Variants in TMPRSS15 observed in about 807,000 individuals in gnomAD.
TMPRSS15 encodes the protein transmembrane serine protease 15.
Under a neutral mutation model 125.3 loss-of-function variants are expected in TMPRSS15, and 128 were observed. That is an observed-to-expected ratio of 1.02 (90% CI 0.89 to 1.18). The LOEUF (loss-of-function observed/expected upper bound fraction) is 1.18. Ranked by LOEUF, TMPRSS15 falls within the 50% of genes most tolerant of loss-of-function variation. The probability of loss-of-function intolerance (pLI) is 0.00; values close to 1 mark genes in which losing one functional copy is unlikely to be tolerated. For synonymous variants in TMPRSS15, 446 were observed against 423.2 expected (o/e 1.05, Z -0.66); for missense variants, 1,283 against 1,212.7 (o/e 1.06, Z -0.86).
At chr21:18,281,831 CTCACG>C (rs2074701989) in intron 21 of TMPRSS15, among the ~76,000 whole-genome samples, 1 of 152,094 alleles carries the variant, frequency 6.6e-6, no homozygotes, top group East Asian at 1.9e-4. Flanking sequence ...GGCGCGGTGG[CTCACG>C]CCTGTAATCC....
chr21:18,290,320 C>G (rs1393660323), intron 21 of TMPRSS15, among the ~76,000 whole-genome samples: 3 of 129,508 alleles, frequency 2.3e-5, no homozygotes, highest in African/African-American at 8.8e-5. Context: ...TCATGTTTAC[C>G]AAAATACAGA....
chr21:18,296,264 A>G (rs775860577), intron 19 of TMPRSS15, among the ~76,000 whole-genome samples: 6 of 152,346 alleles, frequency 3.9e-5, no homozygotes, highest in Middle Eastern at 3.4e-3. Flanking sequence ...TACAACCACT[A>G]GCGCAAGGGC....
rs192816985 is a variant in TMPRSS15 at position 18,398,657 on chromosome 21, C to G, written c.146-328G>C. On this transcript the variant is annotated intron_variant, in intron 1 of 24. Coordinates refer to ENST00000284885, the MANE Select transcript of TMPRSS15 (RefSeq NM_002772.3). ...GTTGGAAGATACACGGACTGATGAACTCCCACCAATCATGGGAAGTGACTC... is the reference window on the plus strand; with the variant it reads ...GTTGGAAGATACACGGACTGATGAAGTCCCACCAATCATGGGAAGTGACTC... 3.3e-5 allele frequency among the ~76,000 whole-genome samples: 5 copies of G among 152,246 alleles called. No homozygotes were observed. The East Asian group carries it at 7.7e-4, about 23-fold the overall frequency.
intron 1 of TMPRSS15, among the ~76,000 whole-genome samples, chr21:18,402,939 C>T (rs1255751557): frequency 1.3e-5 from 2 of 152,112 alleles, no homozygotes; most frequent in Non-Finnish European, 2.9e-5. Flanking sequence ...TTCTGTTTAT[C>T]GGAGTTGCTA....
At chr21:18,432,988 C>T (rs2076219446) in intron 1 of TMPRSS15, among the ~76,000 whole-genome samples, 2 of 151,982 alleles carry the variant, frequency 1.3e-5, no homozygotes, top group African/African-American at 4.8e-5. Flanking sequence ...TCCCGTGTAC[C>T]TTTCTCGGAA....
intron 18 of TMPRSS15, among the ~76,000 whole-genome samples, chr21:18,305,315 A>T (rs1445112676): frequency 6.7e-6 from 1 of 148,500 alleles, no homozygotes; most frequent in Non-Finnish European, 1.5e-5. Context: ...CAGCCTCCCG[A>T]GTAGCTGGGA....
intron 17 of TMPRSS15, among the ~76,000 whole-genome samples, chr21:18,314,711 G>C (rs1203349714): frequency 1.3e-5 from 2 of 152,136 alleles, no homozygotes; most frequent in African/African-American, 2.4e-5. Context: ...TAATGTTATT[G>C]AGGTGTGGAA....
In TMPRSS15 at chr21:18,365,308, A is replaced by G. The variant is rs995112094; in HGVS notation, c.665-60T>C. On this transcript the variant is annotated intron_variant, in intron 6 of 24. Coordinates refer to ENST00000284885, the MANE Select transcript of TMPRSS15 (RefSeq NM_002772.3). Reference sequence around the variant, plus strand: ...CAATCTTGGGATTCAAATTGGCTGCAAAACATTTCACAGAATATTCATGGC... The same window carrying G: ...CAATCTTGGGATTCAAATTGGCTGCGAAACATTTCACAGAATATTCATGGC... 10 of 1,292,660 alleles carry G rather than the reference A, an allele frequency of 7.7e-6. No homozygotes were observed. In the African/African-American group the frequency reaches 1.3e-4, roughly 17 times the overall value. 80.1% of individuals were successfully genotyped at this position (1,292,660 alleles called of 1,614,324 possible).
chr21:18,336,198 A>G lies in TMPRSS15; in HGVS notation c.1565-4025T>C, dbSNP rs142877720. On this transcript the variant is annotated intron_variant, in intron 13 of 24. Coordinates refer to ENST00000284885, the MANE Select transcript of TMPRSS15 (RefSeq NM_002772.3). ...AAAGAGAAGAGCCTAGCTTTCATCT[A>G]CAATAAGAGGGTTTTAATTAAAGAT... Among the ~76,000 whole-genome samples, 89 of 152,300 alleles carry G rather than the reference A, an allele frequency of 5.8e-4. 1 individual carries two copies. The East Asian group carries it at 0.011, about 19-fold the overall frequency.
chr21:18,396,728 C>A (rs2076040870), intron 3 of TMPRSS15, among the ~76,000 whole-genome samples: 3 of 148,588 alleles, frequency 2.0e-5, no homozygotes, highest in Non-Finnish European at 4.4e-5. Flanking sequence ...GAGCTGAGAT[C>A]ACGCCAGTGC....
intron 1 of TMPRSS15, among the ~76,000 whole-genome samples, chr21:18,452,074 C>A (rs547181708): frequency 6.6e-6 from 1 of 152,050 alleles, no homozygotes; most frequent in Non-Finnish European, 1.5e-5. Context: ...GAAATCAATG[C>A]AGGACTGAGA....
intron 1 of TMPRSS15, among the ~76,000 whole-genome samples, chr21:18,468,463 C>T (rs540864122): frequency 6.6e-6 from 1 of 152,148 alleles, no homozygotes; most frequent in South Asian, 2.1e-4. Flanking sequence ...CCTCCTTAGA[C>T]CTCTCTGGAG....
At position 18,480,407 on chromosome 21, in the gene TMPRSS15, A is replaced by G. The variant is rs574347627; in HGVS notation, c.10+5392T>C. ...TCCAGGAGATTTTAGTAGACTTTCT[A>G]TAATCTACCCAGGCCATGGTTTAGT... is the stretch of plus-strand genomic sequence containing the variant. On this transcript the variant is annotated intron_variant, in intron 1 of 7. Coordinates refer to the TMPRSS15 transcript ENST00000422787. Among the ~76,000 whole-genome samples the G allele has an allele frequency of 5.3e-5, 8 of 152,048 alleles. No homozygotes were observed. The East Asian group carries it at 1.4e-3, about 26-fold the overall frequency.
At chr21:18,345,173 C>G (rs1293112157) in intron 10 of TMPRSS15, among the ~76,000 whole-genome samples, 1 of 152,152 alleles carries the variant, frequency 6.6e-6, no homozygotes, top group Non-Finnish European at 1.5e-5. Flanking sequence ...AATATGTACA[C>G]ATTCATTTGC....
intron 24 of TMPRSS15, among the ~76,000 whole-genome samples, chr21:18,274,860 A>C (rs1269222251): frequency 6.6e-6 from 1 of 152,198 alleles, no homozygotes; most frequent in African/African-American, 2.4e-5. Flanking sequence ...GGTTTAAAAT[A>C]ATTGGAAATT....
intron 1 of TMPRSS15, among the ~76,000 whole-genome samples, chr21:18,459,353 A>C (rs1284005516): frequency 6.6e-6 from 1 of 151,738 alleles, no homozygotes; most frequent in Non-Finnish European, 1.5e-5. Context: ...GGCTCATTGC[A>C]ACCTCTGCCT....
At chr21:18,394,097 AAT>A (rs2076012797) in intron 3 of TMPRSS15, among the ~76,000 whole-genome samples, 1 of 152,126 alleles carries the variant, frequency 6.6e-6, no homozygotes, top group South Asian at 2.1e-4. Context: ...GTATCTCTTT[AAT>A]ATATGTTTTG....
intron 18 of TMPRSS15, among the ~76,000 whole-genome samples, chr21:18,310,898 C>T (rs1343732684): frequency 6.7e-6 from 1 of 149,248 alleles, no homozygotes; most frequent in Non-Finnish European, 1.5e-5. Context: ...AGATAGAGAA[C>T]CCTGAAATAA....
intron 24 of TMPRSS15, 151 bp downstream of exon 24, chr21:18,275,046 G>A: frequency 5.0e-6 from 5 of 991,694 alleles, no homozygotes; most frequent in Non-Finnish European, 7.8e-6. Flanking sequence ...GTCTACCCAA[G>A]AGGATTACGC....
Sources: allele counts gnomAD v4.1 joint callset (sites outside exome capture counted in the v4.1 genomes callset), GRCh38; gene constraint gnomAD v4.1.1; transcripts MANE v1.5; gene names NCBI Gene and HGNC (gene_info 2026-07-23, HGNC 2026-07-21).